The following PTPRN2 variants were observed in gnomAD, a reference collection of about 807,000 sequenced individuals.
The protein encoded by PTPRN2 is receptor-type tyrosine-protein phosphatase N2.
PTPRN2 carries 74 observed loss-of-function variants against 118.8 expected under a neutral mutation model. The observed-to-expected ratio is 0.62, with a 90% CI of 0.52 to 0.76. PTPRN2 has a LOEUF of 0.76. PTPRN2 is among the 30% of genes least tolerant of loss of function. The pLI, the probability that PTPRN2 is intolerant of heterozygous loss-of-function variation, is 0.00. For missense variants in PTPRN2, 1,481 were observed against 1,394.4 expected (o/e 1.06, Z -0.99); for synonymous variants, 641 against 608.0 (o/e 1.05, Z -0.80).
At chr7:158,226,138 C>T (rs1828755560) in intron 3 of PTPRN2, among the ~76,000 whole-genome samples, 1 of 152,126 alleles carries the variant, frequency 6.6e-6, no homozygotes, top group Admixed American at 6.5e-5. Context: ...TATTCTAAGT[C>T]CTTCCTATTT....
intron 12 of PTPRN2, among the ~76,000 whole-genome samples, chr7:157,824,230 G>A (rs921899472): frequency 3.3e-5 from 5 of 152,014 alleles, no homozygotes; most frequent in East Asian, 3.9e-4. Context: ...GCTTGCCGAC[G>A]GCTGCCAGAG....
At chr7:157,568,840 G>A (rs1370595265) in intron 21 of PTPRN2, 62 bp downstream of exon 21, 6 of 1,495,716 alleles carry the variant, frequency 4.0e-6, no homozygotes, top group South Asian at 2.3e-5. Context: ...GGCACCCTAC[G>A]TTGCCATAGC....
At chr7:157,771,729 G>A (rs1057264068) in intron 12 of PTPRN2, among the ~76,000 whole-genome samples, 36 of 135,636 alleles carry the variant, frequency 2.7e-4, no homozygotes, top group South Asian at 5.1e-4. Flanking sequence ...ACACACAGAC[G>A]CACAAACAGA....
intron 2 of PTPRN2, among the ~76,000 whole-genome samples, chr7:158,343,953 C>T (rs1258423138): frequency 6.6e-6 from 1 of 152,156 alleles, no homozygotes; most frequent in Non-Finnish European, 1.5e-5. Context: ...CCAAAGAAGA[C>T]CAGTGAACAC....
intron 15 of PTPRN2, among the ~76,000 whole-genome samples, chr7:157,608,211 G>A (rs980449315): frequency 6.6e-6 from 1 of 152,132 alleles, no homozygotes; most frequent in Non-Finnish European, 1.5e-5. Context: ...GGGACTACAG[G>A]CACGCACCAC....
chr7:158,140,253 C>G (rs1360228122), intron 6 of PTPRN2, among the ~76,000 whole-genome samples: 4 of 152,230 alleles, frequency 2.6e-5, no homozygotes, highest in Admixed American at 2.6e-4. Context: ...GGCACAGTGA[C>G]AACTCCGAGG....
rs1040907618 is a variant in PTPRN2, at chr7:157,819,346, G to A, written c.1788+79327C>T. On this transcript the variant is annotated intron_variant, in intron 12 of 22. Transcript: ENST00000389418. ...ATAAGTGAGATTTTTAACAGGCTCCGCTCAGCTGGCTCTGTCGGCTCGAGT... is the reference window on the plus strand; with the variant it reads ...ATAAGTGAGATTTTTAACAGGCTCCACTCAGCTGGCTCTGTCGGCTCGAGT... Among the ~76,000 whole-genome samples, 12 of 152,174 alleles carry A rather than the reference G, an allele frequency of 7.9e-5. 1 individual carries two copies. The highest frequency in any genetic ancestry group is 4.1e-4 in the South Asian group (2 of 4,830).
Position 157,869,392 on chromosome 7 carries a change from AG to A in PTPRN2, c.1788+29280del, listed in dbSNP as rs1227627587. On this transcript the variant is annotated intron_variant, in intron 12 of 22. Transcript: ENST00000389418. This position sits in a 1 kb window ranked among gnomAD's most constrained non-coding sequence, Gnocchi z 4.2. ...AAGTTTACATTTTTCCTGAGTTAGC[AG>A]ACAAATATAAGGGGACTTCAAAAAG... Among the ~76,000 whole-genome samples the A allele has an allele frequency of 6.6e-6, 1 of 152,254 alleles. No individual in the cohort carries two copies. Among genetic ancestry groups the A allele is most frequent in the Non-Finnish European group, 1.5e-5 (1 of 68,040 alleles).
At chr7:158,571,492 C>CAA (rs1158789615) in intron 1 of PTPRN2, among the ~76,000 whole-genome samples, 2 of 72,622 alleles carry the variant, frequency 2.8e-5, no homozygotes, top group South Asian at 1.0e-3. Context: ...AAAACAAAAA[C>CAA]AAAAAAAAAC....
chr7:158,364,006 G>T (rs148945316), intron 2 of PTPRN2, among the ~76,000 whole-genome samples: 1 of 152,166 alleles, frequency 6.6e-6, no homozygotes, highest in African/African-American at 2.4e-5. Context: ...CCTGCCGGAC[G>T]CTGTTTCATT....
chr7:157,650,085 G>C (rs1200576498), intron 14 of PTPRN2, among the ~76,000 whole-genome samples: 1 of 152,180 alleles, frequency 6.6e-6, no homozygotes, highest in Non-Finnish European at 1.5e-5. Context: ...GGGAAGTCTC[G>C]GGGTCTCCAG....
At chr7:158,538,230 TC>T (rs1302276096) in intron 1 of PTPRN2, among the ~76,000 whole-genome samples, 1 of 152,220 alleles carries the variant, frequency 6.6e-6, no homozygotes, top group African/African-American at 2.4e-5. Flanking sequence ...CTTTTCATAC[TC>T]GACGTAGCCC....
At chr7:158,430,065 G>A (rs756206878) in intron 2 of PTPRN2, among the ~76,000 whole-genome samples, 3 of 152,008 alleles carry the variant, frequency 2.0e-5, no homozygotes, top group South Asian at 2.1e-4. Context: ...ACGCTACCAC[G>A]CCCAGCTAAT....
At chr7:158,009,958 C>A (rs2128867910) in intron 11 of PTPRN2, among the ~76,000 whole-genome samples, 1 of 152,306 alleles carries the variant, frequency 6.6e-6, no homozygotes, top group Non-Finnish European at 1.5e-5. Context: ...CAGCCAAACC[C>A]ACTGAGTAGG....
At chr7:157,759,409 G>A (rs1802001719) in intron 12 of PTPRN2, among the ~76,000 whole-genome samples, 1 of 152,250 alleles carries the variant, frequency 6.6e-6, no homozygotes, top group East Asian at 1.9e-4. Context: ...CCGGCAGGTG[G>A]GAGAACCCGA....
chr7:158,054,968 C>G (rs1809669395), intron 11 of PTPRN2, among the ~76,000 whole-genome samples: 1 of 152,214 alleles, frequency 6.6e-6, no homozygotes, highest in African/African-American at 2.4e-5. Flanking sequence ...CCCAGCCGTC[C>G]CCTTCACTGT....
intron 12 of PTPRN2, among the ~76,000 whole-genome samples, chr7:157,878,161 T>A (rs1298422071): frequency 6.6e-6 from 1 of 152,192 alleles, no homozygotes; most frequent in African/African-American, 2.4e-5. Context: ...CCCCAAAAGA[T>A]ACCCTCTTGG....
intron 12 of PTPRN2, among the ~76,000 whole-genome samples, chr7:157,810,896 C>T (rs932686972): frequency 2.4e-4 from 36 of 152,030 alleles, no homozygotes; most frequent in Non-Finnish European, 3.4e-4. Context: ...CCAGCCACAT[C>T]GGGGGCTCTG....
In PTPRN2 at chr7:157,583,095, G is replaced by A. The variant is rs1395044939; in HGVS notation, c.2497-4955C>T. On this transcript the variant is annotated intron_variant, in intron 17 of 22. Transcript: ENST00000389418. This position sits in a 1 kb window ranked among gnomAD's most constrained non-coding sequence, Gnocchi z 5.5. The stretch of plus-strand genomic sequence containing the variant: ...CCCACATGTCTGTCAATGGATAATG[G>A]CTAAAGAAAATGTGGTATATACACA... Among the ~76,000 whole-genome samples, 2 of 152,094 alleles carry A rather than the reference G, an allele frequency of 1.3e-5. No individual in the cohort carries two copies. The highest frequency in any genetic ancestry group is 4.8e-5 in the African/African-American group (2 of 41,426).
Sources: allele counts gnomAD v4.1 joint callset (sites outside exome capture counted in the v4.1 genomes callset), GRCh38; gene constraint gnomAD v4.1.1; non-coding constraint Gnocchi (gnomAD v3.1); transcripts MANE v1.5; gene names NCBI Gene and HGNC (gene_info 2026-07-23, HGNC 2026-07-21).